Variants in NBEA observed in about 807,000 individuals in gnomAD.
NBEA encodes the protein lysosomal-trafficking regulator 2.
A neutral mutation model predicts 343.4 loss-of-function variants in NBEA; 44 were observed. The observed-to-expected ratio is 0.13, with a 90% confidence interval of 0.10 to 0.16. NBEA has a LOEUF of 0.16. Among genes scored for constraint, NBEA ranks in the 10% least tolerant of loss-of-function variants. The pLI is 1.00. For missense variants in NBEA, 2,555 were observed against 3,631.3 expected (o/e 0.70, Z 7.62); for synonymous variants, 1,175 against 1,238.7 (o/e 0.95, Z 1.08).
At chr13:35,639,381 G>A (rs1157959200) in intron 49 of NBEA, among the ~76,000 whole-genome samples, 1 of 152,076 alleles carries the variant, frequency 6.6e-6, no homozygotes, top group Non-Finnish European at 1.5e-5. Context: ...TAAACCAGAA[G>A]CAAAAGCTTA....
intron 1 of NBEA, among the ~76,000 whole-genome samples, chr13:35,025,288 C>T (rs547971901): frequency 9.9e-5 from 15 of 152,072 alleles, no homozygotes; most frequent in Non-Finnish European, 1.9e-4. Flanking sequence ...GATTTTTCTT[C>T]TAGGGCTTTT....
At chr13:35,175,652 A>T (rs898069935) in intron 27 of NBEA, among the ~76,000 whole-genome samples, 3 of 152,340 alleles carry the variant, frequency 2.0e-5, no homozygotes, top group Admixed American at 6.5e-5. Flanking sequence ...ATGGGTAAGT[A>T]GCGATGAATG....
intron 40 of NBEA, among the ~76,000 whole-genome samples, chr13:35,463,534 A>G (rs1007787951): frequency 2.6e-5 from 4 of 152,026 alleles, no homozygotes; most frequent in African/African-American, 9.7e-5. Flanking sequence ...CTGATGTGGG[A>G]GGATCCCTTG....
At chr13:35,328,659 A>C (rs543650658) in intron 36 of NBEA, among the ~76,000 whole-genome samples, 1 of 152,066 alleles carries the variant, frequency 6.6e-6, no homozygotes, top group South Asian at 2.1e-4. Context: ...ACATATAAAT[A>C]TATTTAAAAA....
At chr13:35,227,935 A>G (rs1267315780) in intron 33 of NBEA, among the ~76,000 whole-genome samples, 1 of 151,870 alleles carries the variant, frequency 6.6e-6, no homozygotes, top group Non-Finnish European at 1.5e-5. Context: ...AAGGGGATTC[A>G]TTTAGATGAC....
intron 36 of NBEA, among the ~76,000 whole-genome samples, chr13:35,329,133 A>G (rs150827526): frequency 2.6e-5 from 4 of 152,078 alleles, no homozygotes; most frequent in Non-Finnish European, 4.4e-5. Flanking sequence ...TCAGTTTCAA[A>G]CCACAATTAG....
chr13:35,253,114 A>G (rs971711139), intron 34 of NBEA, among the ~76,000 whole-genome samples: 1 of 152,216 alleles, frequency 6.6e-6, no homozygotes, highest in Non-Finnish European at 1.5e-5. Context: ...CAACCATGGG[A>G]AGAAAACAAA....
chr13:35,370,666 A>G (rs1437022786), intron 38 of NBEA, among the ~76,000 whole-genome samples: 1 of 151,966 alleles, frequency 6.6e-6, no homozygotes, highest in Non-Finnish European at 1.5e-5. Context: ...TATAGTGGTA[A>G]CATTTGAGTT....
intron 1 of NBEA, among the ~76,000 whole-genome samples, chr13:35,004,485 A>G (rs1191779914): frequency 6.6e-6 from 1 of 152,196 alleles, no homozygotes; most frequent in Non-Finnish European, 1.5e-5. Flanking sequence ...AAAGCACTGG[A>G]CAACTAGACT....
intron 49 of NBEA, among the ~76,000 whole-genome samples, chr13:35,635,555 G>A (rs1477065759): frequency 1.3e-5 from 2 of 152,122 alleles, no homozygotes; most frequent in African/African-American, 2.4e-5. Context: ...TTAGTGGAGT[G>A]AAAATACGTA....
At chr13:35,316,741 C>T (rs147072136) in intron 36 of NBEA, among the ~76,000 whole-genome samples, 3,940 of 152,260 alleles carry the variant, frequency 0.026, 69 homozygotes, top group Non-Finnish European at 0.039. Context: ...TAACAGCGTT[C>T]CTATTTCTCC....
chr13:35,168,231 A>G (rs2152719730), intron 24 of NBEA, among the ~76,000 whole-genome samples: 1 of 151,678 alleles, frequency 6.6e-6, no homozygotes, highest in African/African-American at 2.4e-5. Flanking sequence ...TAAGATTTAT[A>G]CTCACATGTA....
At chr13:35,138,459 CT>C (rs1230686366) in intron 17 of NBEA, among the ~76,000 whole-genome samples, 6,689 of 136,396 alleles carry the variant, frequency 0.049, 206 homozygotes, top group Non-Finnish European at 0.071. Flanking sequence ...AATTATGCTA[CT>C]TTTTTTTTTT....
Position 35,413,303 on chromosome 13 carries a change from A to G in NBEA, c.6180-18966A>G, listed in dbSNP as rs1340687198. 8.5e-5 allele frequency among the ~76,000 whole-genome samples: 13 copies of G among 152,298 alleles called. No individual in the cohort carries two copies. In the South Asian group the frequency reaches 1.4e-3, roughly 17 times the overall value. On this transcript the variant is annotated intron_variant, in intron 38 of 58. Coordinates refer to ENST00000379939, the MANE Select transcript of NBEA (RefSeq NM_001385012.1). ...TTCATGCACAGAAGTCCTGACCTCA[A>G]TGATTACCACTTAACTCTTGTAGCC...
At chr13:35,617,067 A>G (rs936449646) in intron 48 of NBEA, among the ~76,000 whole-genome samples, 2 of 152,258 alleles carry the variant, frequency 1.3e-5, no homozygotes, top group Admixed American at 1.3e-4. Context: ...TACAACTAAT[A>G]TATGAAGGAT....
intron 34 of NBEA, among the ~76,000 whole-genome samples, chr13:35,235,618 T>C (rs1180984692): frequency 6.6e-6 from 1 of 152,190 alleles, no homozygotes; most frequent in African/African-American, 2.4e-5. Flanking sequence ...TCCTAAGTGA[T>C]AGTCTGTGGC....
intron 17 of NBEA, among the ~76,000 whole-genome samples, chr13:35,126,999 A>G (rs1200918398): frequency 6.6e-6 from 1 of 152,138 alleles, no homozygotes; most frequent in Non-Finnish European, 1.5e-5. Flanking sequence ...AATGGAACAA[A>G]ACGAATATTT....
chr13:35,274,756 T>C (rs1420731839), intron 34 of NBEA, among the ~76,000 whole-genome samples: 3 of 152,160 alleles, frequency 2.0e-5, no homozygotes, highest in Non-Finnish European at 4.4e-5. Context: ...CCATTCACAA[T>C]TACTACAAAG....
chr13:35,036,092 T>G (rs1305122831), intron 1 of NBEA, among the ~76,000 whole-genome samples: 1 of 151,904 alleles, frequency 6.6e-6, no homozygotes, highest in Non-Finnish European at 1.5e-5. Context: ...TTTCTTGCAT[T>G]TCTGTCCTCT....
Sources: allele counts gnomAD v4.1 joint callset (sites outside exome capture counted in the v4.1 genomes callset), GRCh38; gene constraint gnomAD v4.1.1; transcripts MANE v1.5; gene names NCBI Gene and HGNC (gene_info 2026-07-23, HGNC 2026-07-21).